Variants in FNBP1L observed in about 807,000 individuals in gnomAD.
FNBP1L encodes the protein formin binding protein 1 like.
A neutral mutation model predicts 91.2 loss-of-function variants in FNBP1L; 36 were observed. The ratio of observed to expected loss-of-function variants is 0.39; its 90% CI spans 0.30 to 0.52. The LOEUF (loss-of-function observed/expected upper bound fraction) is 0.52. Among genes scored for constraint, FNBP1L ranks in the 20% least tolerant of loss-of-function variants. FNBP1L has a pLI of 0.66. For synonymous variants in FNBP1L, 242 were observed against 237.0 expected (o/e 1.02, Z -0.19); for missense variants, 571 against 732.1 (o/e 0.78, Z 2.54).
At chr1:93,478,162 C>G (rs1669560874) in intron 1 of FNBP1L, among the ~76,000 whole-genome samples, 1 of 152,162 alleles carries the variant, frequency 6.6e-6, no homozygotes, top group East Asian at 1.9e-4. Context: ...TCCCTTCTCT[C>G]TTTTACCCTC....
chr1:93,507,095 A>T (rs868245106), intron 2 of FNBP1L, among the ~76,000 whole-genome samples: 28 of 104,114 alleles, frequency 2.7e-4, no homozygotes, highest in African/African-American at 8.8e-4. Flanking sequence ...ACACACACAC[A>T]CACACACACA....
chr1:93,507,098 CACACACACACTCT>C (rs1670653973), intron 2 of FNBP1L, among the ~76,000 whole-genome samples: 1 of 90,240 alleles, frequency 1.1e-5, no homozygotes, highest in African/African-American at 5.6e-5. Flanking sequence ...CACACACACA[CACACACACACTCT>C]CTCTCTCTCT....
At position 93,551,000 on chromosome 1, in the gene FNBP1L, G is replaced by C; in HGVS notation, c.1705G>C (p.Glu569Gln). 6.2e-7 allele frequency: 1 copy of C among 1,612,596 alleles called. No homozygotes were observed. Among genetic ancestry groups the C allele is most frequent in the Non-Finnish European group, 8.5e-7 (1 of 1,179,164 alleles). The change falls in exon 16 of 17, where the codon GAG becomes CAG. Residue 569 changes from glutamate (E) to glutamine (Q), a missense_variant. This residue lies in a region of FNBP1L where 189 missense variants were observed against 219.7 expected (regional missense o/e 0.86). Coordinates refer to ENST00000271234, the MANE Select transcript of FNBP1L (RefSeq NM_001164473.3). Reference sequence around the variant, plus strand: ...AGAAGGTGAAGTTCTCTACATTATAGAGGAGGACAAAGGTGACGGATGGAC... The same window carrying C: ...AGAAGGTGAAGTTCTCTACATTATACAGGAGGACAAAGGTGACGGATGGAC... Reference protein sequence around the residue: ...MKEGEVLYIIEEDKGDGWTRA... With the variant: ...MKEGEVLYIIQEDKGDGWTRA...
intron 1 of FNBP1L, among the ~76,000 whole-genome samples, chr1:93,488,784 G>A (rs1015557938): frequency 3.3e-5 from 5 of 152,192 alleles, no homozygotes; most frequent in African/African-American, 1.2e-4. Context: ...CAGGTAAGCA[G>A]AAGTATTAGG....
At chr1:93,512,190 G>T (rs1445599700) in intron 2 of FNBP1L, among the ~76,000 whole-genome samples, 1 of 152,078 alleles carries the variant, frequency 6.6e-6, no homozygotes, top group African/African-American at 2.4e-5. Context: ...ATTACATAAT[G>T]GTAATGGGAT....
At chr1:93,497,700 A>G (rs1196434513) in intron 1 of FNBP1L, among the ~76,000 whole-genome samples, 1 of 152,088 alleles carries the variant, frequency 6.6e-6, no homozygotes, top group Non-Finnish European at 1.5e-5. Flanking sequence ...GCTCACTGCA[A>G]CCTCCGCCTC....
chr1:93,489,295 GATA>G (rs946620151), intron 1 of FNBP1L, among the ~76,000 whole-genome samples: 2 of 152,024 alleles, frequency 1.3e-5, no homozygotes, highest in African/African-American at 2.4e-5. Flanking sequence ...GTGGGTGAAG[GATA>G]ATAATAATGA....
chr1:93,455,407 G>T (rs901640232), intron 1 of FNBP1L, among the ~76,000 whole-genome samples: 1 of 152,170 alleles, frequency 6.6e-6, no homozygotes. Context: ...CAGTCTGGTC[G>T]TGAACTCCTG....
chr1:93,487,417 A>T (rs1465910240), intron 1 of FNBP1L, among the ~76,000 whole-genome samples: 1 of 152,210 alleles, frequency 6.6e-6, no homozygotes, highest in African/African-American at 2.4e-5. Flanking sequence ...CAACTCTTAC[A>T]GTCTGAAATG....
At chr1:93,523,639 T>C in intron 4 of FNBP1L, 148 bp downstream of exon 4, 1 of 882,048 alleles carries the variant, frequency 1.1e-6, no homozygotes, top group Non-Finnish European at 1.6e-6. Context: ...CAAAATACTC[T>C]TGCTAATTTA....
At chr1:93,479,603 C>T (rs150344707) in intron 1 of FNBP1L, among the ~76,000 whole-genome samples, 2 of 152,142 alleles carry the variant, frequency 1.3e-5, no homozygotes, top group African/African-American at 4.8e-5. Flanking sequence ...GACCTCCCCC[C>T]AGGAATGCAA....
chr1:93,552,538 C>A lies in FNBP1L; in HGVS notation c.*122C>A. On this transcript the variant is annotated 3_prime_UTR_variant, in exon 17 of 17. Coordinates refer to ENST00000271234, the MANE Select transcript of FNBP1L (RefSeq NM_001164473.3). ...GAGAAGCAAGTTGCATGAGTGCATG[C>A]AGACATGATTTTTTTTTTACTAACT... is the stretch of plus-strand genomic sequence containing the variant. 2 of 995,250 alleles carry A rather than the reference C, an allele frequency of 2.0e-6. No individual in the cohort carries two copies. The highest frequency in any genetic ancestry group is 2.9e-6 in the Non-Finnish European group (2 of 697,094). 61.7% of individuals were successfully genotyped at this position (995,250 alleles called of 1,614,324 possible). A position where few individuals can be genotyped will look rare whatever the true frequency, so the allele number is the denominator to read the frequency against.
intron 1 of FNBP1L, among the ~76,000 whole-genome samples, chr1:93,486,587 C>G (rs1669915230): frequency 1.3e-5 from 2 of 152,110 alleles, no homozygotes; most frequent in South Asian, 2.1e-4. Context: ...GAGCAGGTAA[C>G]TGATAATAAT....
intron 2 of FNBP1L, among the ~76,000 whole-genome samples, chr1:93,514,854 A>G (rs1192252007): frequency 2.0e-5 from 3 of 152,170 alleles, no homozygotes; most frequent in Non-Finnish European, 4.4e-5. Flanking sequence ...GGACATAGGC[A>G]TGGGCAAGGA....
At chr1:93,487,926 T>C (rs1669962003) in intron 1 of FNBP1L, among the ~76,000 whole-genome samples, 2 of 152,228 alleles carry the variant, frequency 1.3e-5, no homozygotes, top group Non-Finnish European at 2.9e-5. Flanking sequence ...TTTAGTTGCC[T>C]ACTCAACATG....
chr1:93,519,147 G>A (rs1671231796), intron 2 of FNBP1L, among the ~76,000 whole-genome samples: 1 of 152,138 alleles, frequency 6.6e-6, no homozygotes, highest in South Asian at 2.1e-4. Flanking sequence ...GTTAGTGTTT[G>A]GGTAACCAGG....
intron 6 of FNBP1L, 82 bp downstream of exon 6, chr1:93,529,838 C>T: frequency 3.7e-6 from 3 of 805,022 alleles, no homozygotes; most frequent in Non-Finnish European, 3.9e-6. Flanking sequence ...TGTATGACTA[C>T]AGTATTAGGA....
chr1:93,497,911 C>T (rs141778409), intron 1 of FNBP1L, among the ~76,000 whole-genome samples: 6 of 151,888 alleles, frequency 4.0e-5, no homozygotes, highest in South Asian at 4.1e-4. Flanking sequence ...TGAGCCACTG[C>T]GCCCGGCCAT....
At chr1:93,515,758 A>T (rs1316710947) in intron 2 of FNBP1L, among the ~76,000 whole-genome samples, 34 of 77,850 alleles carry the variant, frequency 4.4e-4, no homozygotes, top group African/African-American at 1.6e-3. Context: ...CACTCTGGGG[A>T]CTGTTGTGGG....
Sources: allele counts gnomAD v4.1 joint callset (sites outside exome capture counted in the v4.1 genomes callset), GRCh38; gene constraint gnomAD v4.1.1; regional missense constraint gnomAD v4.1.1; transcripts MANE v1.5; gene names NCBI Gene and HGNC (gene_info 2026-07-23, HGNC 2026-07-21).